Variants in DNAAF9 observed in about 807,000 individuals in gnomAD.
DNAAF9 encodes the protein dynein axonemal assembly factor 9, also known as shulin.
In DNAAF9, 90 loss-of-function variants were observed where a neutral mutation model predicts 167.0. The ratio of observed to expected loss-of-function variants is 0.54; its 90% CI spans 0.45 to 0.64. DNAAF9 has a LOEUF of 0.64. DNAAF9 is among the 30% of genes least tolerant of loss of function. DNAAF9 has a pLI of 0.00. For missense variants in DNAAF9, 1,315 were observed against 1,442.2 expected, an observed-to-expected ratio of 0.91 and a Z score of 1.43; for synonymous variants, 491 against 508.8, an observed-to-expected ratio of 0.96 and a Z score of 0.47.
chr20:3,352,756 C>T lies in DNAAF9; in HGVS notation c.691-4133G>A, dbSNP rs997344797. Among the ~76,000 whole-genome samples, 5 of 152,064 alleles carry T rather than the reference C, an allele frequency of 3.3e-5. No individual in the cohort carries two copies. The South Asian group carries it at 6.2e-4, about 19-fold the overall frequency. ...GGTATCTTCAGTACTGCCTCTACTG[C>T]AGGTCGGCCCAAGGCTGGCTGTGAG... is the stretch of plus-strand genomic sequence containing the variant. On this transcript the variant is annotated intron_variant, in intron 7 of 36. Transcript: ENST00000252032.
chr20:3,400,044 G>T (rs2083962103), intron 1 of DNAAF9, among the ~76,000 whole-genome samples: 1 of 152,088 alleles, frequency 6.6e-6, no homozygotes, highest in Non-Finnish European at 1.5e-5. Flanking sequence ...ACCACAAATG[G>T]AAAATGTTAT....
intron 29 of DNAAF9, 44 bp from the exon 30 acceptor site, chr20:3,270,606 T>G: frequency 6.3e-7 from 1 of 1,587,148 alleles, no homozygotes. Context: ...CAGTCCTGGT[T>G]AGGGGTGAAG....
intron 1 of DNAAF9, among the ~76,000 whole-genome samples, chr20:3,390,149 C>T (rs147549425): frequency 6.6e-6 from 1 of 151,834 alleles, no homozygotes; most frequent in Admixed American, 6.6e-5. Context: ...TTAGGTATGG[C>T]AATGTTATCA....
At chr20:3,307,274 T>A in intron 20 of DNAAF9, 1 of 329,088 alleles carries the variant, frequency 3.0e-6, no homozygotes, top group Non-Finnish European at 4.3e-6. Flanking sequence ...AGGCAAGGTC[T>A]CAGTAAACAG....
chr20:3,317,360 CAA>C (rs756394932), intron 17 of DNAAF9, among the ~76,000 whole-genome samples: 270 of 99,532 alleles, frequency 2.7e-3, no homozygotes, highest in East Asian at 0.012. Flanking sequence ...GACCTTGTCT[CAA>C]AAAAAAAAAA....
At chr20:3,336,099 G>T (rs1466816063) in intron 10 of DNAAF9, among the ~76,000 whole-genome samples, 5 of 152,116 alleles carry the variant, frequency 3.3e-5, no homozygotes, top group Admixed American at 3.3e-4. Flanking sequence ...CTCCAGCCTG[G>T]GTGACAGAGC....
At chr20:3,399,777 C>T (rs1259105813) in intron 1 of DNAAF9, among the ~76,000 whole-genome samples, 1 of 152,170 alleles carries the variant, frequency 6.6e-6, no homozygotes, top group Non-Finnish European at 1.5e-5. Context: ...GACAGCAGAA[C>T]ACAAACACAG....
At chr20:3,284,787 G>A (rs2068822743) in intron 27 of DNAAF9, among the ~76,000 whole-genome samples, 1 of 152,104 alleles carries the variant, frequency 6.6e-6, no homozygotes, top group Non-Finnish European at 1.5e-5. Context: ...ATATTCCAGA[G>A]TATAAATACA....
chr20:3,393,123 A>G (rs2083848375), intron 1 of DNAAF9, among the ~76,000 whole-genome samples: 1 of 152,208 alleles, frequency 6.6e-6, no homozygotes, highest in African/African-American at 2.4e-5. Flanking sequence ...ACTGCTGGTC[A>G]GGTGCAGTGG....
At chr20:3,329,718 A>C (rs2069785348) in intron 12 of DNAAF9, among the ~76,000 whole-genome samples, 1 of 152,186 alleles carries the variant, frequency 6.6e-6, no homozygotes, top group South Asian at 2.1e-4. Context: ...GGAAGTGTTG[A>C]TCTAGACCCC....
chr20:3,372,346 G>A (rs1035929487), intron 6 of DNAAF9, among the ~76,000 whole-genome samples: 2 of 152,172 alleles, frequency 1.3e-5, no homozygotes, highest in Admixed American at 1.3e-4. Context: ...CTGAAGGAAA[G>A]TATCTGAAAA....
At chr20:3,407,406 G>T in intron 1 of DNAAF9, 69 bp downstream of exon 1, 1 of 1,181,676 alleles carries the variant, frequency 8.5e-7, no homozygotes, top group South Asian at 3.0e-5. Context: ...TGCGGCGGGA[G>T]GCGTCGCCGG....
At chr20:3,339,048 C>T (rs1568614309) in intron 10 of DNAAF9, among the ~76,000 whole-genome samples, 1 of 152,006 alleles carries the variant, frequency 6.6e-6, no homozygotes, top group African/African-American at 2.4e-5. Context: ...CTTACTGATT[C>T]CTTCCATGGA....
intron 1 of DNAAF9, among the ~76,000 whole-genome samples, chr20:3,399,298 A>C (rs1400728153): frequency 6.6e-6 from 1 of 151,878 alleles, no homozygotes; most frequent in Non-Finnish European, 1.5e-5. Context: ...GGCTCACTGC[A>C]ACCAAGGTTC....
intron 8 of DNAAF9, among the ~76,000 whole-genome samples, chr20:3,345,488 C>T (rs2070175325): frequency 6.6e-6 from 1 of 152,092 alleles, no homozygotes; most frequent in African/African-American, 2.4e-5. Flanking sequence ...GGTCACAGAG[C>T]TAGTGAACTG....
intron 20 of DNAAF9, among the ~76,000 whole-genome samples, chr20:3,308,918 C>T (rs946580165): frequency 1.3e-5 from 2 of 152,132 alleles, no homozygotes; most frequent in South Asian, 2.1e-4. Flanking sequence ...CTTATAAGGG[C>T]ACCACATCCC....
At chr20:3,257,535 T>G (rs959714601) in intron 33 of DNAAF9, among the ~76,000 whole-genome samples, 12 of 151,884 alleles carry the variant, frequency 7.9e-5, no homozygotes, top group African/African-American at 2.7e-4. Flanking sequence ...AAGAAAGAAA[T>G]AAAAATATTT....
chr20:3,356,104 A>G (rs1438855151), intron 7 of DNAAF9, among the ~76,000 whole-genome samples: 1 of 152,042 alleles, frequency 6.6e-6, no homozygotes, highest in Admixed American at 6.6e-5. Flanking sequence ...TGCAACTTCC[A>G]TCTCTCGGGT....
chr20:3,386,922 C>T (rs2083748811), intron 1 of DNAAF9, among the ~76,000 whole-genome samples: 1 of 152,148 alleles, frequency 6.6e-6, no homozygotes, highest in Non-Finnish European at 1.5e-5. Flanking sequence ...TACTATACCT[C>T]TATTAGAATG....
Sources: allele counts gnomAD v4.1 joint callset (sites outside exome capture counted in the v4.1 genomes callset), GRCh38; gene constraint gnomAD v4.1.1; transcripts MANE v1.5; gene names NCBI Gene and HGNC (gene_info 2026-07-23, HGNC 2026-07-21).